The following NLGN1 variants were observed in gnomAD, a reference collection of about 807,000 sequenced individuals.
NLGN1 encodes the protein neuroligin-1.
Under a neutral mutation model 65.5 loss-of-function variants are expected in NLGN1, and 12 were observed. The observed-to-expected ratio is 0.18, with a 90% confidence interval of 0.12 to 0.30. NLGN1 has a LOEUF of 0.30. Among genes scored for constraint, NLGN1 ranks in the 10% least tolerant of loss-of-function variants. The probability of loss-of-function intolerance (pLI) is 1.00; values close to 1 mark genes in which losing one functional copy is unlikely to be tolerated. For synonymous variants in NLGN1, 350 were observed against 359.5 expected, an observed-to-expected ratio of 0.97 and a Z score of 0.30; for missense variants, 750 against 1,007.1, an observed-to-expected ratio of 0.74 and a Z score of 3.46.
At chr3:173,447,312 T>G in intron 2 of NLGN1, among the ~76,000 whole-genome samples, 1 of 152,228 alleles carries the variant, frequency 6.6e-6, no homozygotes, top group Non-Finnish European at 1.5e-5. Context: ...CACCATTTAT[T>G]AAATAGGGAA....
intron 2 of NLGN1, among the ~76,000 whole-genome samples, chr3:173,516,422 G>T (rs906728832): frequency 2.0e-5 from 3 of 151,930 alleles, no homozygotes; most frequent in Non-Finnish European, 4.4e-5. Context: ...CAGAATTCAT[G>T]CTTCTCCTAC....
chr3:173,808,542 TA>T (rs1717173904), intron 4 of NLGN1, among the ~76,000 whole-genome samples: 1 of 152,178 alleles, frequency 6.6e-6, no homozygotes, highest in Non-Finnish European at 1.5e-5. Flanking sequence ...TTTTAAAAGA[TA>T]AACTTGCTAT....
chr3:173,428,419 TCTTA>T (rs577345271), intron 1 of NLGN1, among the ~76,000 whole-genome samples: 2 of 151,972 alleles, frequency 1.3e-5, no homozygotes, highest in East Asian at 1.9e-4. Context: ...TTATTTAATT[TCTTA>T]CTTTTTATTT....
chr3:173,436,303 G>A (rs893057707), intron 2 of NLGN1, among the ~76,000 whole-genome samples: 3 of 152,162 alleles, frequency 2.0e-5, no homozygotes, highest in African/African-American at 7.2e-5. Context: ...TTATTTCAGA[G>A]TAGTTATAAA....
chr3:174,011,829 C>G (rs555971071), intron 4 of NLGN1, among the ~76,000 whole-genome samples: 3 of 151,622 alleles, frequency 2.0e-5, no homozygotes, highest in Non-Finnish European at 4.4e-5. Flanking sequence ...CATCAGAGAA[C>G]AAAACCTAAG....
At chr3:173,873,623 T>C (rs1459195194) in intron 4 of NLGN1, among the ~76,000 whole-genome samples, 1 of 152,220 alleles carries the variant, frequency 6.6e-6, no homozygotes, top group Non-Finnish European at 1.5e-5. Flanking sequence ...TAGTAGAAGA[T>C]GGTTTATGCA....
chr3:174,009,054 T>C (rs1399105925), intron 4 of NLGN1, among the ~76,000 whole-genome samples: 2 of 152,082 alleles, frequency 1.3e-5, no homozygotes, highest in South Asian at 2.1e-4. Flanking sequence ...GTTCTGGAGA[T>C]TGGGAGTCCA....
chr3:173,677,545 G>A (rs1763340447), intron 3 of NLGN1, among the ~76,000 whole-genome samples: 1 of 152,050 alleles, frequency 6.6e-6, no homozygotes, highest in Non-Finnish European at 1.5e-5. Context: ...AACCAAGGCA[G>A]TTTCTTCACA....
At position 173,600,592 on chromosome 3, in the gene NLGN1, C is replaced by CTTTTTTTTTTTTTTTTTTTTTTTTTT. The variant is rs150984290; in HGVS notation, c.-320-3678_-320-3677insTTTTTTTTTTTTTTTTTTTTTTTTTT. Among the ~76,000 whole-genome samples, 916 of 103,374 alleles carry CTTTTTTTTTTTTTTTTTTTTTTTTTT rather than the reference C, an allele frequency of 8.9e-3. 289 individuals are homozygous for CTTTTTTTTTTTTTTTTTTTTTTTTTT. The highest frequency in any genetic ancestry group is 0.018 in the Admixed American group (143 of 8,050). 67.8% of individuals were successfully genotyped at this position (103,374 alleles called of 152,430 possible). A position where few individuals can be genotyped will look rare whatever the true frequency, so the allele number is the denominator to read the frequency against. ...AAGCAAGGTAGAAATAAAAACATAT[C>CTTTTTTTTTTTTTTTTTTTTTTTTTT]TTTTTTTTTAGAAAAAGATATGTAA... On this transcript the variant is annotated intron_variant, in intron 2 of 6. Coordinates refer to ENST00000457714, the Ensembl canonical transcript of NLGN1.
chr3:173,511,299 C>T lies in NLGN1; in HGVS notation c.-321+76221C>T, dbSNP rs142617295. Among the ~76,000 whole-genome samples, 153 of 152,134 alleles carry T rather than the reference C, an allele frequency of 1.0e-3. 1 individual carries two copies. The highest frequency in any genetic ancestry group is 6.8e-3 in the Middle Eastern group (2 of 294). On this transcript the variant is annotated intron_variant, in intron 2 of 6. Transcript: ENST00000457714. Reference sequence around the variant, plus strand: ...CTGAGGAGAAAGTAAAAAAGGTTCCCATATGTCCCCAGTCCCCACACACTC... The same window carrying T: ...CTGAGGAGAAAGTAAAAAAGGTTCCTATATGTCCCCAGTCCCCACACACTC...
chr3:174,025,114 C>T (rs2152463068), intron 4 of NLGN1, among the ~76,000 whole-genome samples: 1 of 152,244 alleles, frequency 6.6e-6, no homozygotes, highest in East Asian at 1.9e-4. Flanking sequence ...TTTCAGTTAA[C>T]TGCATTTTTC....
chr3:174,252,499 A>AT (rs907574029), intron 4 of NLGN1, among the ~76,000 whole-genome samples: 13 of 151,276 alleles, frequency 8.6e-5, no homozygotes, highest in East Asian at 1.9e-4. Flanking sequence ...TCCACAACCT[A>AT]TTTTTTTTTC....
chr3:173,848,823 CTATTT>C (rs1726316922), intron 4 of NLGN1, among the ~76,000 whole-genome samples: 1 of 152,118 alleles, frequency 6.6e-6, no homozygotes, highest in African/African-American at 2.4e-5. Flanking sequence ...GAGATGTGAA[CTATTT>C]TATTTTCTGA....
At chr3:173,929,824 C>T (rs1246377675) in intron 4 of NLGN1, among the ~76,000 whole-genome samples, 2 of 152,012 alleles carry the variant, frequency 1.3e-5, no homozygotes, top group African/African-American at 2.4e-5. Context: ...TCTGCCTCAG[C>T]CTCCCGAGTA....
chr3:174,157,841 T>C (rs976397879), intron 4 of NLGN1, among the ~76,000 whole-genome samples: 1 of 151,800 alleles, frequency 6.6e-6, no homozygotes, highest in Non-Finnish European at 1.5e-5. Context: ...GCATCATAAG[T>C]GTATATAAGA....
intron 3 of NLGN1, among the ~76,000 whole-genome samples, chr3:173,700,921 C>T (rs1026259826): frequency 8.6e-5 from 13 of 152,040 alleles, no homozygotes; most frequent in African/African-American, 2.2e-4. Flanking sequence ...GTCAGGAGAT[C>T]GAGACCATCC....
At chr3:174,007,007 G>C (rs905108920) in intron 4 of NLGN1, among the ~76,000 whole-genome samples, 1 of 152,170 alleles carries the variant, frequency 6.6e-6, no homozygotes, top group Non-Finnish European at 1.5e-5. Flanking sequence ...GGGAGAGATT[G>C]CAGTGAGCTG....
At chr3:173,771,812 G>A (rs977801922) in intron 3 of NLGN1, among the ~76,000 whole-genome samples, 1 of 151,784 alleles carries the variant, frequency 6.6e-6, no homozygotes, top group Non-Finnish European at 1.5e-5. Flanking sequence ...TAGTGTGGGA[G>A]CCTTTCGGGC....
chr3:173,798,714 T>A (rs1714723620), intron 3 of NLGN1, among the ~76,000 whole-genome samples: 1 of 152,090 alleles, frequency 6.6e-6, no homozygotes, highest in African/African-American at 2.4e-5. Flanking sequence ...TTGTTTATAG[T>A]TTCCCTGTCT....
Sources: allele counts gnomAD v4.1 joint callset (sites outside exome capture counted in the v4.1 genomes callset), GRCh38; gene constraint gnomAD v4.1.1; transcripts MANE v1.5; gene names NCBI Gene and HGNC (gene_info 2026-07-23, HGNC 2026-07-21).